The following PHACTR4 variants were observed in gnomAD, a reference collection of about 807,000 sequenced individuals.
PHACTR4 encodes protein phosphatase 1, regulatory subunit 124.
In PHACTR4, 51 loss-of-function variants were observed where a neutral mutation model predicts 72.7. The ratio of observed to expected loss-of-function variants is 0.70; its 90% CI spans 0.56 to 0.89. The LOEUF is 0.89. PHACTR4 is among the 40% of genes least tolerant of loss of function. The pLI is 0.00. For synonymous variants in PHACTR4, 255 were observed against 302.5 expected (o/e 0.84, Z 1.63); for missense variants, 731 against 861.8 (o/e 0.85, Z 1.90).
chr1:28,453,808 C>T (rs1475177467), intron 2 of PHACTR4: 1 of 887,894 alleles, frequency 1.1e-6, no homozygotes, highest in Non-Finnish European at 1.9e-6. Flanking sequence ...TGACAAAAAT[C>T]ATGATGCTGA....
intron 1 of PHACTR4, among the ~76,000 whole-genome samples, chr1:28,396,845 C>CTTTTCTTT (rs1653543925): frequency 8.4e-6 from 1 of 119,664 alleles, no homozygotes; most frequent in African/African-American, 3.3e-5. Flanking sequence ...TTCTTTCTTT[C>CTTTTCTTT]TTTTTTTTTT....
At chr1:28,393,184 G>A (rs1653193152) in intron 1 of PHACTR4, among the ~76,000 whole-genome samples, 1 of 152,068 alleles carries the variant, frequency 6.6e-6, no homozygotes, top group African/African-American at 2.4e-5. Context: ...TCTCTTTTAA[G>A]CTATTGGTGA....
chr1:28,388,494 T>C (rs370683635), intron 1 of PHACTR4, among the ~76,000 whole-genome samples: 3 of 152,212 alleles, frequency 2.0e-5, no homozygotes, highest in South Asian at 2.1e-4. Flanking sequence ...GTAAATGATG[T>C]TGGGTAAAGT....
At chr1:28,411,179 T>C (rs906876684) in intron 2 of PHACTR4, among the ~76,000 whole-genome samples, 2 of 151,938 alleles carry the variant, frequency 1.3e-5, no homozygotes, top group Non-Finnish European at 2.9e-5. Context: ...CCCAAGTAGC[T>C]GGGACTACAG....
chr1:28,420,409 C>T (rs896693727), intron 2 of PHACTR4, among the ~76,000 whole-genome samples: 1 of 152,156 alleles, frequency 6.6e-6, no homozygotes, highest in Non-Finnish European at 1.5e-5. Flanking sequence ...AGCCCTTCTC[C>T]TTCCTGCCAC....
chr1:28,379,007 C>T (rs1285347007), intron 1 of PHACTR4, among the ~76,000 whole-genome samples: 2 of 152,066 alleles, frequency 1.3e-5, no homozygotes, highest in Non-Finnish European at 2.9e-5. Flanking sequence ...AGCTGGAGTA[C>T]AGTGGCACAG....
chr1:28,423,479 A>G (rs1054764944), intron 2 of PHACTR4, among the ~76,000 whole-genome samples: 1 of 152,126 alleles, frequency 6.6e-6, no homozygotes, highest in African/African-American at 2.4e-5. Context: ...CATAAAACAT[A>G]CTTGTACATT....
chr1:28,427,000 A>G (rs1405818221), intron 2 of PHACTR4, among the ~76,000 whole-genome samples: 1 of 151,896 alleles, frequency 6.6e-6, no homozygotes, highest in Non-Finnish European at 1.5e-5. Context: ...TGTGGCTAGT[A>G]AAAGTGAGAG....
rs146523473 is a variant in PHACTR4, at chr1:28,370,994, C to T, written c.-39+1169C>T. Among the ~76,000 whole-genome samples the T allele has an allele frequency of 1.9e-4, 29 of 152,208 alleles. No individual in the cohort carries two copies. The South Asian group carries it at 2.9e-3, about 15-fold the overall frequency. The stretch of plus-strand genomic sequence containing the variant: ...GGGATGAGGTGTGGTAGATTCTTAC[C>T]GGAAACCGCGGAACTGCGTGGATTG... On this transcript the variant is annotated intron_variant, in intron 1 of 13. Transcript: ENST00000373839.
chr1:28,466,703 T>G lies in PHACTR4; in HGVS notation c.758T>G (p.Val253Gly). 6.2e-7 allele frequency: 1 copy of G among 1,613,952 alleles called. No individual in the cohort carries two copies. Among genetic ancestry groups the G allele is most frequent in the Non-Finnish European group, 8.5e-7 (1 of 1,180,004 alleles). Residue 253 changes from valine (V) to glycine (G), a missense_variant, in exon 6 of 14, where the codon GTC becomes GGC. Transcript: ENST00000373839. ...GCTACCCCAAGCCTCACTCATATGG[T>G]CCCTGCCAAGCAGCCCCCTATCCCT... The part of the protein sequence containing the change: ...TTATPSLTHM[V>G]PAKQPPIPPP...
At chr1:28,392,467 A>G (rs1653132224) in intron 1 of PHACTR4, among the ~76,000 whole-genome samples, 2 of 149,846 alleles carry the variant, frequency 1.3e-5, no homozygotes, top group South Asian at 2.1e-4. Context: ...CAGTGGCCCC[A>G]TCATTGCTCA....
At chr1:28,453,693 CT>C in intron 2 of PHACTR4, 1 of 1,260,084 alleles carries the variant, frequency 7.9e-7, no homozygotes, top group Non-Finnish European at 1.1e-6. Context: ...CCTGGTTCCT[CT>C]TACTTCAATT....
At chr1:28,396,845 CTTTTT>C (rs60578939) in intron 1 of PHACTR4, among the ~76,000 whole-genome samples, 31,169 of 120,206 alleles carry the variant, frequency 0.26, 3,306 homozygotes, top group Middle Eastern at 0.31. Flanking sequence ...TTCTTTCTTT[CTTTTT>C]TTTTTTTTTT....
intron 1 of PHACTR4, among the ~76,000 whole-genome samples, chr1:28,403,963 C>G (rs1050832804): frequency 6.6e-6 from 1 of 152,196 alleles, no homozygotes; most frequent in African/African-American, 2.4e-5. Flanking sequence ...ATCCAGTGAT[C>G]AGTGGAAAGA....
At chr1:28,399,542 G>A (rs994916864) in intron 1 of PHACTR4, among the ~76,000 whole-genome samples, 18 of 151,916 alleles carry the variant, frequency 1.2e-4, no homozygotes, top group Admixed American at 6.6e-5. Context: ...TTAATTTCTT[G>A]TTGGTCTCGG....
intron 1 of PHACTR4, among the ~76,000 whole-genome samples, chr1:28,398,198 T>C (rs1430069679): frequency 6.6e-6 from 1 of 152,180 alleles, no homozygotes; most frequent in Non-Finnish European, 1.5e-5. Flanking sequence ...ACCAAGGCTG[T>C]GGCTGCCATT....
chr1:28,385,859 C>A (rs1243758183), intron 1 of PHACTR4, among the ~76,000 whole-genome samples: 1 of 151,950 alleles, frequency 6.6e-6, no homozygotes, highest in Non-Finnish European at 1.5e-5. Context: ...AGGTGATCCG[C>A]CCTCCTTGGC....
At chr1:28,492,289 T>C (rs1438143804) in intron 12 of PHACTR4, among the ~76,000 whole-genome samples, 1 of 145,310 alleles carries the variant, frequency 6.9e-6, no homozygotes, top group African/African-American at 2.6e-5. Context: ...ATACAAAAAT[T>C]AGCTGGGTGT....
intron 2 of PHACTR4, among the ~76,000 whole-genome samples, chr1:28,454,176 G>T (rs142721458): frequency 6.6e-6 from 1 of 151,228 alleles, no homozygotes; most frequent in African/African-American, 2.4e-5. Flanking sequence ...CATTCAAAAG[G>T]AAGATATAAT....
Sources: gnomAD v4.1 joint callset for allele counts (sites outside exome capture counted in the v4.1 genomes callset) on GRCh38, gnomAD v4.1.1 for gene constraint, MANE v1.5 for transcripts, NCBI Gene and HGNC (gene_info 2026-07-23, HGNC 2026-07-21) for gene names.